SLC35F4: variants seen among roughly 807,000 people sequenced by gnomAD.
SLC35F4 encodes solute carrier family 35 member F4, also known as chromosome 14 open reading frame 36.
In SLC35F4, 24 loss-of-function variants were observed where a neutral mutation model predicts 44.2. The ratio of observed to expected loss-of-function variants is 0.54; its 90% CI spans 0.39 to 0.76. The LOEUF (loss-of-function observed/expected upper bound fraction) is 0.76, where lower values mean the gene tolerates loss of function less well. SLC35F4 is among the 30% of genes least tolerant of loss of function. The pLI, the probability that SLC35F4 is intolerant of heterozygous loss-of-function variation, is 0.00. For synonymous variants in SLC35F4, 238 were observed against 223.6 expected, an observed-to-expected ratio of 1.06 and a Z score of -0.57; for missense variants, 562 against 586.1, an observed-to-expected ratio of 0.96 and a Z score of 0.42.
chr14:57,654,113 A>G (rs2073879704), intron 1 of SLC35F4, among the ~76,000 whole-genome samples: 1 of 152,112 alleles, frequency 6.6e-6, no homozygotes, highest in Non-Finnish European at 1.5e-5. Context: ...CTCATCCAGT[A>G]TGGCTTCGTT....
chr14:57,877,899 G>T (rs1321845725), intron 1 of SLC35F4, among the ~76,000 whole-genome samples: 1 of 151,770 alleles, frequency 6.6e-6, no homozygotes, highest in African/African-American at 2.4e-5. Flanking sequence ...TGGCCAGGCT[G>T]GTCTTGAACT....
intron 1 of SLC35F4, among the ~76,000 whole-genome samples, chr14:57,739,792 T>C (rs1051293427): frequency 3.9e-5 from 6 of 152,122 alleles, no homozygotes; most frequent in Admixed American, 2.0e-4. Flanking sequence ...ACAAGTTCAG[T>C]GTGAGGAGAA....
chr14:57,704,607 C>T (rs1358949656), intron 1 of SLC35F4, among the ~76,000 whole-genome samples: 2 of 151,952 alleles, frequency 1.3e-5, no homozygotes, highest in Admixed American at 6.6e-5. Context: ...GCCCCTGTTG[C>T]GGGAGACAAG....
At chr14:57,829,706 C>T (rs757446178) in intron 1 of SLC35F4, among the ~76,000 whole-genome samples, 1 of 152,108 alleles carries the variant, frequency 6.6e-6, no homozygotes, top group Non-Finnish European at 1.5e-5. Flanking sequence ...GCTGTGAGAC[C>T]AATCGCTACT....
At chr14:57,869,973 G>C (rs925652165), upstream of SLC35F4, among the ~76,000 whole-genome samples, 3 of 152,172 alleles carry the variant, frequency 2.0e-5, no homozygotes, top group African/African-American at 7.2e-5. Flanking sequence ...GAGAAGACAG[G>C]GCAGAGTCCA....
In SLC35F4 at chr14:57,903,259, G is replaced by T. The variant is rs188306465; in HGVS notation, n.282+78654C>A. ...TGTAGCCAAGGAACAGGGGAAAGGGGATCAACAGATGGAAAATTCTTAAGA... is the reference window on the plus strand; with the variant it reads ...TGTAGCCAAGGAACAGGGGAAAGGGTATCAACAGATGGAAAATTCTTAAGA... On this transcript the variant is annotated intron_variant and non_coding_transcript_variant, in intron 1 of 1. Transcript: ENST00000556568. 6.6e-5 allele frequency among the ~76,000 whole-genome samples: 10 copies of T among 152,274 alleles called. No homozygotes were observed. In the South Asian group the frequency reaches 1.7e-3, roughly 25 times the overall value.
intron 1 of SLC35F4, among the ~76,000 whole-genome samples, chr14:57,795,499 A>G (rs2078033688): frequency 6.6e-6 from 1 of 152,208 alleles, no homozygotes; most frequent in African/African-American, 2.4e-5. Context: ...TATTCAAATC[A>G]TTTAGCCAGT....
At chr14:57,760,920 T>A in intron 1 of SLC35F4, among the ~76,000 whole-genome samples, 1 of 152,152 alleles carries the variant, frequency 6.6e-6, no homozygotes, top group Non-Finnish European at 1.5e-5. Context: ...GCTCAGAAGA[T>A]CTCTCCATTT....
intron 2 of SLC35F4, among the ~76,000 whole-genome samples, chr14:57,589,795 G>C (rs1459355690): frequency 6.6e-6 from 1 of 152,180 alleles, no homozygotes; most frequent in East Asian, 1.9e-4. Context: ...TCCCTTGTAA[G>C]AGCATTACAC....
chr14:57,785,338 C>G (rs2077728563), intron 1 of SLC35F4, among the ~76,000 whole-genome samples: 2 of 152,072 alleles, frequency 1.3e-5, no homozygotes, highest in Admixed American at 6.5e-5. Context: ...ATAATCGAGC[C>G]CTCCATTGCA....
At chr14:57,820,214 T>C (rs1458812272) in intron 1 of SLC35F4, among the ~76,000 whole-genome samples, 1 of 152,214 alleles carries the variant, frequency 6.6e-6, no homozygotes, top group Non-Finnish European at 1.5e-5. Flanking sequence ...GGAAAGGGTT[T>C]CTATAAACAC....
intron 1 of SLC35F4, among the ~76,000 whole-genome samples, chr14:57,800,871 A>G (rs1207739719): frequency 6.6e-6 from 1 of 152,224 alleles, no homozygotes; most frequent in Admixed American, 6.5e-5. Flanking sequence ...GGATTATGTA[A>G]GGAGACTGAA....
chr14:57,575,547 T>G (rs1219625237), intron 4 of SLC35F4, among the ~76,000 whole-genome samples: 1 of 151,836 alleles, frequency 6.6e-6, no homozygotes, highest in Admixed American at 6.6e-5. Flanking sequence ...CTGGCTTAGG[T>G]GAGAATGTTA....
At chr14:57,958,655 G>A (rs945440553) in intron 1 of SLC35F4, among the ~76,000 whole-genome samples, 7 of 152,090 alleles carry the variant, frequency 4.6e-5, no homozygotes, top group Non-Finnish European at 8.8e-5. Flanking sequence ...TATGATATGT[G>A]AATTATATCT....
intron 1 of SLC35F4, among the ~76,000 whole-genome samples, chr14:57,728,434 T>C (rs1411943461): frequency 8.6e-6 from 1 of 116,922 alleles, no homozygotes; most frequent in African/African-American, 3.1e-5. Flanking sequence ...TTCTTTTTTC[T>C]TTCTTTCTTT....
chr14:57,724,020 G>A (rs1406687949), intron 1 of SLC35F4, among the ~76,000 whole-genome samples: 1 of 152,132 alleles, frequency 6.6e-6, no homozygotes, highest in Admixed American at 6.5e-5. Flanking sequence ...GTTGCATTTG[G>A]CCCCTTCTAC....
rs559082435 is a variant in SLC35F4 at position 57,885,761 on chromosome 14, G to A, written n.282+96152C>T. Among the ~76,000 whole-genome samples the A allele has an allele frequency of 5.7e-4, 87 of 152,284 alleles. No individual in the cohort carries two copies. In the Middle Eastern group the frequency reaches 0.01, roughly 18 times the overall value. On this transcript the variant is annotated intron_variant and non_coding_transcript_variant, in intron 1 of 1. Transcript: ENST00000556568. ...TGTTCTATCAGAAAGCGCTGGTGTA[G>A]ACTGGTCTTCCTTTCATTTTAATTC...
upstream of SLC35F4, among the ~76,000 whole-genome samples, chr14:57,868,436 A>G (rs1267978905): frequency 6.6e-6 from 1 of 152,102 alleles, no homozygotes; most frequent in Non-Finnish European, 1.5e-5. Context: ...GTCATTTTAG[A>G]CGTTATTAAC....
At chr14:57,763,924 T>C (rs2077180674) in intron 1 of SLC35F4, among the ~76,000 whole-genome samples, 1 of 152,198 alleles carries the variant, frequency 6.6e-6, no homozygotes, top group Non-Finnish European at 1.5e-5. Context: ...ACCAATAAAA[T>C]GTGACACAAG....
Sources: gnomAD v4.1 joint callset for allele counts (sites outside exome capture counted in the v4.1 genomes callset) on GRCh38, gnomAD v4.1.1 for gene constraint, MANE v1.5 for transcripts, NCBI Gene and HGNC (gene_info 2026-07-23, HGNC 2026-07-21) for gene names.